Variants in RNF38 observed in about 807,000 individuals in gnomAD.
RNF38 encodes E3 ubiquitin-protein ligase RNF38.
Under a neutral mutation model 67.2 loss-of-function variants are expected in RNF38, and 15 were observed. That is an observed-to-expected ratio of 0.22 (90% CI 0.15 to 0.34). The LOEUF is 0.34. Ranked by LOEUF, RNF38 falls within the 10% of genes least tolerant of loss-of-function variation. RNF38 has a pLI of 1.00. For missense variants in RNF38, 524 were observed against 639.9 expected, an observed-to-expected ratio of 0.82 and a Z score of 1.95; for synonymous variants, 220 against 218.8, an observed-to-expected ratio of 1.01 and a Z score of -0.05.
At chr9:36,423,948 CAAAA>C (rs1176900248) in intron 2 of RNF38, among the ~76,000 whole-genome samples, 3 of 7,410 alleles carry the variant, frequency 4.0e-4, no homozygotes, top group East Asian at 1.6e-3. Flanking sequence ...GACTCCGTCT[CAAAA>C]AAAAAAAAAA....
At position 36,422,944 on chromosome 9, in the gene RNF38, G is replaced by A. The variant is rs535105444; in HGVS notation, n.312+1669C>T. On this transcript the variant is annotated intron_variant and non_coding_transcript_variant, in intron 2 of 3. Transcript: ENST00000488058. ...GAATCTAAGGTCTGGAGACAACCCG[G>A]AGGGCAGTCTGGCTTCTATACCATA... 1.1e-4 allele frequency among the ~76,000 whole-genome samples: 17 copies of A among 152,280 alleles called. No individual in the cohort carries two copies. In the South Asian group the frequency reaches 3.3e-3, roughly 30 times the overall value.
intron 4 of RNF38, among the ~76,000 whole-genome samples, chr9:36,360,293 T>G (rs1433698531): frequency 6.6e-6 from 1 of 152,160 alleles, no homozygotes; most frequent in Non-Finnish European, 1.5e-5. Context: ...GCGGTTAGTG[T>G]TAGTACGAAG....
Position 36,352,859 on chromosome 9 carries a change from A to G in RNF38, c.1072-11T>C. On this transcript the variant is annotated splice_polypyrimidine_tract_variant and intron_variant, in intron 7 of 11. Transcript: ENST00000259605. ...AAATGGAGGATAAGGCTGCAAGGGG[A>G]AAAATGTTAAGATTTAGAATCACTC... 1 of 1,566,296 alleles carries G rather than the reference A, an allele frequency of 6.4e-7. No individual in the cohort carries two copies. The highest frequency in any genetic ancestry group is 8.8e-7 in the Non-Finnish European group (1 of 1,136,868).
intron 1 of RNF38, among the ~76,000 whole-genome samples, chr9:36,464,013 A>T (rs1839799820): frequency 6.6e-6 from 1 of 151,600 alleles, no homozygotes; most frequent in Non-Finnish European, 1.5e-5. Context: ...TAAAAATACA[A>T]AAAATTAGCC....
chr9:36,368,003 C>T (rs1175248636), intron 4 of RNF38, among the ~76,000 whole-genome samples: 1 of 152,118 alleles, frequency 6.6e-6, no homozygotes, highest in African/African-American at 2.4e-5. Context: ...AGGTGCCTGC[C>T]ATCACGTGCG....
intron 1 of RNF38, among the ~76,000 whole-genome samples, chr9:36,439,384 T>A (rs998498883): frequency 2.0e-5 from 3 of 149,520 alleles, no homozygotes; most frequent in African/African-American, 7.3e-5. Flanking sequence ...GTGACCCTCA[T>A]TTTTTTTTCC....
rs560783438 is a variant in RNF38 at position 36,388,924 on chromosome 9, TAAG to T, written c.162+1540_162+1542del. Among the ~76,000 whole-genome samples, 337 of 152,194 alleles carry T rather than the reference TAAG, an allele frequency of 2.2e-3. 1 individual carries two copies. The highest frequency in any genetic ancestry group is 7.7e-3 in the African/African-American group (318 of 41,536). On this transcript the variant is annotated intron_variant, in intron 2 of 11. Transcript: ENST00000259605. ...CATGTGGTAACTAAGTTTTTAAGGA[TAAG>T]AAGCATAACTGGAACTAACAAATTA...
At chr9:36,475,912 A>G (rs1212618584) in intron 1 of RNF38, among the ~76,000 whole-genome samples, 1 of 150,572 alleles carries the variant, frequency 6.6e-6, no homozygotes, top group Admixed American at 6.6e-5. Context: ...TGGAGGCTGA[A>G]GCAGGACAAT....
intron 1 of RNF38, among the ~76,000 whole-genome samples, chr9:36,475,327 A>G (rs1406361651): frequency 6.6e-6 from 1 of 151,990 alleles, no homozygotes; most frequent in East Asian, 1.9e-4. Flanking sequence ...TGTTTACCAA[A>G]TTATTATTAA....
In RNF38 at chr9:36,448,145, A is replaced by C. The variant is rs141051334; in HGVS notation, n.242-23462T>G. Among the ~76,000 whole-genome samples the C allele has an allele frequency of 7.0e-3, 1,062 of 152,328 alleles. 14 individuals are homozygous for C. The highest frequency in any genetic ancestry group is 0.024 in the African/African-American group (993 of 41,572). On this transcript the variant is annotated intron_variant and non_coding_transcript_variant, in intron 1 of 3. Transcript: ENST00000488058. ...CAGGGTGAGGGCAGAGTGAGGACAG[A>C]ACTGGTCTTCTTAAGGCCTGGGCCA... is the stretch of plus-strand genomic sequence containing the variant.
intron 2 of RNF38, among the ~76,000 whole-genome samples, chr9:36,423,074 C>A (rs1482844809): frequency 6.6e-6 from 1 of 152,144 alleles, no homozygotes; most frequent in Non-Finnish European, 1.5e-5. Context: ...ACATTAGTAA[C>A]CTAAAATGAT....
At chr9:36,457,386 G>A (rs1839618450) in intron 1 of RNF38, among the ~76,000 whole-genome samples, 1 of 152,158 alleles carries the variant, frequency 6.6e-6, no homozygotes, top group African/African-American at 2.4e-5. Context: ...TCTATTAATT[G>A]TAACTCTTTT....
chr9:36,347,986 G>A (rs1280369327), intron 9 of RNF38, among the ~76,000 whole-genome samples: 1 of 152,172 alleles, frequency 6.6e-6, no homozygotes, highest in African/African-American at 2.4e-5. Flanking sequence ...TGAGGCGGGA[G>A]AATGACGTGA....
chr9:36,479,061 T>C (rs1484213326), intron 1 of RNF38, among the ~76,000 whole-genome samples: 1 of 152,182 alleles, frequency 6.6e-6, no homozygotes, highest in Non-Finnish European at 1.5e-5. Context: ...AACTCTGAAA[T>C]GTATTCACTT....
At chr9:36,412,089 A>C (rs1378933587) in intron 2 of RNF38, among the ~76,000 whole-genome samples, 1 of 152,216 alleles carries the variant, frequency 6.6e-6, no homozygotes, top group Non-Finnish European at 1.5e-5. Context: ...ACTCCTTTGC[A>C]TAAAACCCTC....
chr9:36,392,637 C>T (rs992326697), intron 1 of RNF38, among the ~76,000 whole-genome samples: 1 of 152,158 alleles, frequency 6.6e-6, no homozygotes, highest in African/African-American at 2.4e-5. Flanking sequence ...TGGTGGCACA[C>T]TCCTGTAGTC....
intron 4 of RNF38, among the ~76,000 whole-genome samples, chr9:36,361,584 C>T (rs1267150157): frequency 6.6e-6 from 1 of 152,164 alleles, no homozygotes; most frequent in Non-Finnish European, 1.5e-5. Context: ...TCATACAACA[C>T]TTGAGCATTC....
At chr9:36,400,746 G>A (rs990480621), upstream of RNF38, 7 of 985,346 alleles carry the variant, frequency 7.1e-6, no homozygotes, top group African/African-American at 5.3e-5. Flanking sequence ...ACCATCACAC[G>A]GGCCGCGCCA....
At chr9:36,467,771 T>C (rs1390377446) in intron 1 of RNF38, among the ~76,000 whole-genome samples, 4 of 152,136 alleles carry the variant, frequency 2.6e-5, no homozygotes, top group African/African-American at 9.7e-5. Context: ...ACCTCTGGGA[T>C]TATAGTGGGG....
Sources: allele counts gnomAD v4.1 joint callset (sites outside exome capture counted in the v4.1 genomes callset), GRCh38; gene constraint gnomAD v4.1.1; transcripts MANE v1.5; gene names NCBI Gene and HGNC (gene_info 2026-07-23, HGNC 2026-07-21).